Variants in PPARGC1A observed in about 807,000 individuals in gnomAD.
PPARGC1A encodes the protein peroxisome proliferator-activated receptor gamma coactivator 1-alpha.
In PPARGC1A, 25 loss-of-function variants were observed where a neutral mutation model predicts 88.7. That is an observed-to-expected ratio of 0.28 (90% CI 0.21 to 0.39). The LOEUF is 0.39. Among genes scored for constraint, PPARGC1A ranks in the 10% least tolerant of loss-of-function variants. The probability of loss-of-function intolerance (pLI) is 1.00; values close to 1 mark genes in which losing one functional copy is unlikely to be tolerated. For synonymous variants in PPARGC1A, 363 were observed against 355.6 expected, an observed-to-expected ratio of 1.02 and a Z score of -0.24; for missense variants, 880 against 968.7, an observed-to-expected ratio of 0.91 and a Z score of 1.22.
chr4:24,459,219 AC>A, the PPARGC1A span, among the ~76,000 whole-genome samples: 1 of 152,036 alleles, frequency 6.6e-6, no homozygotes, highest in Non-Finnish European at 1.5e-5. Flanking sequence ...TCAAGGGGAA[AC>A]TCCCTTTTTA....
At chr4:24,416,899 C>T in the PPARGC1A span, among the ~76,000 whole-genome samples, 5 of 152,158 alleles carry the variant, frequency 3.3e-5, no homozygotes, top group Admixed American at 2.0e-4. Context: ...GGCATGGTGG[C>T]GTCTGCCTGT....
the PPARGC1A span, among the ~76,000 whole-genome samples, chr4:24,251,673 T>A: frequency 6.6e-6 from 1 of 152,320 alleles, no homozygotes; most frequent in South Asian, 2.1e-4. Flanking sequence ...TAGTCTTTAT[T>A]TGGACTTTAT....
the PPARGC1A span, among the ~76,000 whole-genome samples, chr4:24,396,430 C>T: frequency 4.1e-3 from 622 of 152,170 alleles, 30 homozygotes; most frequent in East Asian, 0.091. Flanking sequence ...CCTTTATAGT[C>T]CAGCACTAAA....
At chr4:24,385,026 C>G in the PPARGC1A span, among the ~76,000 whole-genome samples, 1 of 151,944 alleles carries the variant, frequency 6.6e-6, no homozygotes, top group African/African-American at 2.4e-5. Context: ...AAACAGAAAT[C>G]ATAACAAACA....
chr4:24,075,630 G>T, the PPARGC1A span, among the ~76,000 whole-genome samples: 3,560 of 152,088 alleles, frequency 0.023, 139 homozygotes, highest in African/African-American at 0.075. Context: ...ATGGGGGGAG[G>T]TTTTTGCCAT....
upstream of PPARGC1A, among the ~76,000 whole-genome samples, chr4:23,890,535 C>T (rs1717673465): frequency 6.7e-6 from 1 of 148,846 alleles, no homozygotes; most frequent in Non-Finnish European, 1.5e-5. Context: ...AAAGCAAGAG[C>T]TTATCACATG....
At chr4:24,241,011 A>G in the PPARGC1A span, among the ~76,000 whole-genome samples, 1 of 152,218 alleles carries the variant, frequency 6.6e-6, no homozygotes, top group Admixed American at 6.5e-5. Context: ...GCAGGAAGAC[A>G]GAGAAAGCAA....
the PPARGC1A span, among the ~76,000 whole-genome samples, chr4:24,106,819 C>G: frequency 6.6e-6 from 1 of 152,350 alleles, no homozygotes; most frequent in Admixed American, 6.5e-5. Flanking sequence ...CCCCAGCTGA[C>G]CCACCAGCTG....
At chr4:24,353,771 A>G in the PPARGC1A span, among the ~76,000 whole-genome samples, 3 of 152,178 alleles carry the variant, frequency 2.0e-5, no homozygotes, top group African/African-American at 7.2e-5. Context: ...CCAGTACCAC[A>G]GGTGGGAATT....
chr4:24,423,593 G>T, the PPARGC1A span, among the ~76,000 whole-genome samples: 4 of 152,138 alleles, frequency 2.6e-5, no homozygotes, highest in Non-Finnish European at 5.9e-5. Flanking sequence ...CTTTTTGTAT[G>T]CTATCATATA....
chr4:24,095,062 G>A, the PPARGC1A span, among the ~76,000 whole-genome samples: 1 of 151,714 alleles, frequency 6.6e-6, no homozygotes, highest in Non-Finnish European at 1.5e-5. Flanking sequence ...AAATGTATGT[G>A]GGAGTCCTAA....
At chr4:24,097,680 T>C in the PPARGC1A span, among the ~76,000 whole-genome samples, 1 of 152,248 alleles carries the variant, frequency 6.6e-6, no homozygotes, top group Non-Finnish European at 1.5e-5. Flanking sequence ...AAAACATTTC[T>C]GTCCTAAGAG....
the PPARGC1A span, among the ~76,000 whole-genome samples, chr4:24,461,026 C>A: frequency 6.6e-6 from 1 of 152,160 alleles, no homozygotes; most frequent in Non-Finnish European, 1.5e-5. Context: ...TGGGCTCAAG[C>A]CATCCTCCCG....
the PPARGC1A span, among the ~76,000 whole-genome samples, chr4:24,231,979 T>G: frequency 6.6e-6 from 1 of 152,184 alleles, no homozygotes; most frequent in African/African-American, 2.4e-5. Context: ...GAAAAACTTT[T>G]CAAATTCACA....
At chr4:24,016,470 A>AT in the PPARGC1A span, among the ~76,000 whole-genome samples, 1 of 152,194 alleles carries the variant, frequency 6.6e-6, no homozygotes, top group Admixed American at 6.5e-5. Flanking sequence ...ACAAACATCC[A>AT]TTAAATGCTA....
At chr4:24,085,349 T>G in the PPARGC1A span, among the ~76,000 whole-genome samples, 1 of 152,338 alleles carries the variant, frequency 6.6e-6, no homozygotes, top group East Asian at 1.9e-4. Flanking sequence ...TAAAAGTTAT[T>G]TAAAACAAAC....
chr4:23,994,201 G>T, the PPARGC1A span, among the ~76,000 whole-genome samples: 1 of 152,084 alleles, frequency 6.6e-6, no homozygotes, highest in African/African-American at 2.4e-5. Context: ...AGCCCATCCT[G>T]CCCTGTCTAT....
the PPARGC1A span, among the ~76,000 whole-genome samples, chr4:24,242,331 C>T: frequency 9.5e-4 from 144 of 152,334 alleles, 2 homozygotes; most frequent in African/African-American, 3.3e-3. Flanking sequence ...CGCCCACCCC[C>T]AGCACTGGCC....
At chr4:24,175,464 T>C in the PPARGC1A span, among the ~76,000 whole-genome samples, 2 of 147,158 alleles carry the variant, frequency 1.4e-5, no homozygotes, top group Admixed American at 6.8e-5. Flanking sequence ...AACCTCTGAC[T>C]TCCAGGTCAG....
Sources: gnomAD v4.1 joint callset for allele counts (sites outside exome capture counted in the v4.1 genomes callset) on GRCh38, gnomAD v4.1.1 for gene constraint, MANE v1.5 for transcripts, NCBI Gene and HGNC (gene_info 2026-07-23, HGNC 2026-07-21) for gene names.